The following KCNAB1 variants were observed in gnomAD, a reference collection of about 807,000 sequenced individuals.
The protein encoded by KCNAB1 is voltage-gated potassium channel subunit beta-1.
KCNAB1 carries 35 observed loss-of-function variants against 64.6 expected under a neutral mutation model. That is an observed-to-expected ratio of 0.54 (90% CI 0.41 to 0.72). KCNAB1 has a LOEUF of 0.72. KCNAB1 is among the 30% of genes least tolerant of loss of function. The pLI is 0.00. For missense variants in KCNAB1, 401 were observed against 512.9 expected (o/e 0.78, Z 2.11); for synonymous variants, 177 against 183.8 (o/e 0.96, Z 0.30).
chr3:156,152,030 T>A (rs765191985), intron 1 of KCNAB1, among the ~76,000 whole-genome samples: 6 of 152,204 alleles, frequency 3.9e-5, no homozygotes, highest in Non-Finnish European at 8.8e-5. Flanking sequence ...ACAATTGTTA[T>A]GCCTGCAGGA....
At chr3:156,522,374 C>T (rs987180276) in intron 11 of KCNAB1, among the ~76,000 whole-genome samples, 1 of 152,088 alleles carries the variant, frequency 6.6e-6, no homozygotes, top group Admixed American at 6.5e-5. Flanking sequence ...CACTCTGGCC[C>T]AGGAAGTCTG....
intron 8 of KCNAB1, among the ~76,000 whole-genome samples, chr3:156,489,412 A>T (rs974304509): frequency 1.3e-5 from 2 of 151,258 alleles, no homozygotes; most frequent in Admixed American, 6.7e-5. Flanking sequence ...AGACGGGATC[A>T]GCTATATCAA....
At chr3:156,394,720 A>G (rs1180981312) in intron 1 of KCNAB1, among the ~76,000 whole-genome samples, 2 of 152,238 alleles carry the variant, frequency 1.3e-5, no homozygotes, top group African/African-American at 4.8e-5. Flanking sequence ...CAGTTGCTGC[A>G]TTTATCCTAG....
In KCNAB1 at chr3:156,375,665, G is replaced by A. The variant is rs1412400046; in HGVS notation, c.276-45951G>A. Among the ~76,000 whole-genome samples the A allele has an allele frequency of 1.5e-5, 2 of 135,714 alleles. 1 individual carries two copies. The highest frequency in any genetic ancestry group is 3.1e-5 in the Non-Finnish European group (2 of 64,938). 89.0% of individuals were successfully genotyped at this position (135,714 alleles called of 152,430 possible). Reference sequence around the variant, plus strand: ...TCTCAAAGGAAGGAATACTTGAATTGATATTAGGAAGAAAAGTAGGCAGCA... The same window carrying A: ...TCTCAAAGGAAGGAATACTTGAATTAATATTAGGAAGAAAAGTAGGCAGCA... On this transcript the variant is annotated intron_variant, in intron 1 of 13. Coordinates refer to ENST00000490337, the MANE Select transcript of KCNAB1 (RefSeq NM_172160.3).
intron 1 of KCNAB1, among the ~76,000 whole-genome samples, chr3:156,353,083 G>T (rs892677479): frequency 6.6e-6 from 1 of 152,364 alleles, no homozygotes; most frequent in East Asian, 1.9e-4. Flanking sequence ...AGAGAACTCT[G>T]CTATAAGTGA....
intron 1 of KCNAB1, among the ~76,000 whole-genome samples, chr3:156,218,801 A>AAAAAAAAAATAAT (rs371264941): frequency 1.2e-4 from 14 of 112,238 alleles, no homozygotes; most frequent in African/African-American, 1.8e-4. Context: ...AAAAAAAAAA[A>AAAAAAAAAATAAT]AATAATAATA....
chr3:156,301,663 T>G (rs1172622652), intron 1 of KCNAB1, among the ~76,000 whole-genome samples: 1 of 152,246 alleles, frequency 6.6e-6, no homozygotes, highest in African/African-American at 2.4e-5. Context: ...AAGGTTTCAC[T>G]TTCACTCAAA....
intron 1 of KCNAB1, among the ~76,000 whole-genome samples, chr3:156,400,570 G>A (rs775737253): frequency 3.3e-5 from 5 of 152,120 alleles, no homozygotes; most frequent in African/African-American, 4.8e-5. Flanking sequence ...AAATTAAACA[G>A]GATAATTCAA....
rs559835398 is a variant in KCNAB1 at position 156,314,867 on chromosome 3, A to C, written c.276-106749A>C. On this transcript the variant is annotated intron_variant, in intron 1 of 13. Transcript: ENST00000490337. ...CATCTCTACTGAAAATACAAAAATT[A>C]GCCAGACATGGTGGCACATGCCTGT... Among the ~76,000 whole-genome samples, 174 of 152,308 alleles carry C rather than the reference A, an allele frequency of 1.1e-3. 1 individual carries two copies. The highest frequency in any genetic ancestry group is 1.8e-3 in the Non-Finnish European group (123 of 68,028).
intron 8 of KCNAB1, among the ~76,000 whole-genome samples, chr3:156,501,508 T>C (rs1376369495): frequency 1.4e-5 from 2 of 143,036 alleles, no homozygotes; most frequent in African/African-American, 2.6e-5. Context: ...CTTGGCTCAC[T>C]GCAACCTCTG....
At chr3:156,334,067 C>T (rs1723523472) in intron 1 of KCNAB1, among the ~76,000 whole-genome samples, 1 of 152,102 alleles carries the variant, frequency 6.6e-6, no homozygotes, top group African/African-American at 2.4e-5. Flanking sequence ...TTTAAAAACC[C>T]TAAAAGCCCT....
intron 1 of KCNAB1, among the ~76,000 whole-genome samples, chr3:156,380,506 G>T (rs889678028): frequency 1.3e-5 from 2 of 152,182 alleles, no homozygotes; most frequent in Non-Finnish European, 2.9e-5. Flanking sequence ...ACTAGCATTA[G>T]ATTTCAGTCT....
chr3:156,509,488 C>G (rs1227916064), intron 8 of KCNAB1, among the ~76,000 whole-genome samples: 1 of 152,168 alleles, frequency 6.6e-6, no homozygotes, highest in Non-Finnish European at 1.5e-5. Flanking sequence ...GAATCATCAT[C>G]TGGGATGAGT....
chr3:156,457,064 C>T (rs1275459354), intron 3 of KCNAB1: 1 of 295,564 alleles, frequency 3.4e-6, no homozygotes, highest in Non-Finnish European at 5.2e-6. Context: ...ATCCAGCTGC[C>T]AAAAGTTATT....
chr3:156,248,870 C>G (rs1717631229), intron 1 of KCNAB1, among the ~76,000 whole-genome samples: 1 of 152,082 alleles, frequency 6.6e-6, no homozygotes, highest in African/African-American at 2.4e-5. Flanking sequence ...CATTTACCTT[C>G]CAGGTGGCCG....
chr3:156,472,086 A>AC (rs1392424059), intron 7 of KCNAB1, among the ~76,000 whole-genome samples: 1 of 151,940 alleles, frequency 6.6e-6, no homozygotes, highest in Non-Finnish European at 1.5e-5. Context: ...TGCTACTTAG[A>AC]CTCAACTTGG....
At chr3:156,168,164 C>G (rs1711727287) in intron 1 of KCNAB1, among the ~76,000 whole-genome samples, 1 of 152,152 alleles carries the variant, frequency 6.6e-6, no homozygotes, top group Admixed American at 6.6e-5. Flanking sequence ...GATCATGCCA[C>G]TGCACTCCAG....
chr3:156,170,224 T>G (rs1247088569), intron 1 of KCNAB1, among the ~76,000 whole-genome samples: 1 of 151,812 alleles, frequency 6.6e-6, no homozygotes, highest in East Asian at 1.9e-4. Flanking sequence ...AGGAATCGTT[T>G]TTTTTTTTTT....
At chr3:156,283,400 T>C (rs1289136502) in intron 1 of KCNAB1, among the ~76,000 whole-genome samples, 4 of 150,334 alleles carry the variant, frequency 2.7e-5, no homozygotes, top group African/African-American at 7.5e-5. Flanking sequence ...CCCTTAACAT[T>C]TTTTCCTTCA....
Sources: allele counts gnomAD v4.1 joint callset (sites outside exome capture counted in the v4.1 genomes callset), GRCh38; gene constraint gnomAD v4.1.1; transcripts MANE v1.5; gene names NCBI Gene and HGNC (gene_info 2026-07-23, HGNC 2026-07-21).